Variants in SMARCC1 observed in about 807,000 individuals in gnomAD.
SMARCC1 encodes SWI/SNF related BAF chromatin remodeling complex subunit C1.
Under a neutral mutation model 147.4 loss-of-function variants are expected in SMARCC1, and 43 were observed. The ratio of observed to expected loss-of-function variants is 0.29; its 90% CI spans 0.23 to 0.38. The LOEUF is 0.38. Among genes scored for constraint, SMARCC1 ranks in the 10% least tolerant of loss-of-function variants. SMARCC1 has a pLI of 1.00. For missense variants in SMARCC1, 1,119 were observed against 1,381.1 expected (o/e 0.81, Z 3.01); for synonymous variants, 495 against 484.4 (o/e 1.02, Z -0.29).
In SMARCC1 at chr3:47,733,986, T is replaced by TAC. The variant is rs201233072; in HGVS notation, c.576+2046_576+2047dup. Among the ~76,000 whole-genome samples the TAC allele has an allele frequency of 2.5e-3, 380 of 151,952 alleles. 3 individuals carry two copies. Among genetic ancestry groups the TAC allele is most frequent in the African/African-American group, 7.6e-3 (316 of 41,428 alleles). ...ATATATGTACGTGTGTGTATATATATACATATGTATGTATATCTACATATA... is the reference window on the plus strand; with the variant it reads ...ATATATGTACGTGTGTGTATATATATACACATATGTATGTATATCTACATATA... On this transcript the variant is annotated intron_variant, in intron 5 of 27. Transcript: ENST00000254480.
At chr3:47,712,454 C>T (rs942987730) in intron 8 of SMARCC1, among the ~76,000 whole-genome samples, 2 of 151,664 alleles carry the variant, frequency 1.3e-5, no homozygotes, top group Non-Finnish European at 2.9e-5. Context: ...ACTGATAATC[C>T]TTTAACTACT....
chr3:47,729,315 G>C (rs1018410763), intron 5 of SMARCC1, among the ~76,000 whole-genome samples: 1 of 152,106 alleles, frequency 6.6e-6, no homozygotes, highest in African/African-American at 2.4e-5. Flanking sequence ...AAAGTAATTC[G>C]AGCACCTATT....
intron 3 of SMARCC1, among the ~76,000 whole-genome samples, chr3:47,741,215 C>T (rs887511515): frequency 3.3e-5 from 5 of 151,442 alleles, no homozygotes; most frequent in Admixed American, 6.6e-5. Context: ...GGAAAAGAGA[C>T]GGAAGAGATA....
chr3:47,781,395 G>A (rs925354316), intron 1 of SMARCC1, among the ~76,000 whole-genome samples: 4 of 152,222 alleles, frequency 2.6e-5, no homozygotes, highest in Non-Finnish European at 5.9e-5. Flanking sequence ...TGGGTGCGTA[G>A]GCTCAGAGGA....
At chr3:47,640,145 G>C (rs1018039526) in intron 21 of SMARCC1, among the ~76,000 whole-genome samples, 4 of 151,986 alleles carry the variant, frequency 2.6e-5, no homozygotes, top group Admixed American at 2.0e-4. Context: ...AAAGCCTTAG[G>C]CTTAAATCAG....
chr3:47,694,773 T>C (rs2033828236), intron 11 of SMARCC1, among the ~76,000 whole-genome samples: 1 of 152,248 alleles, frequency 6.6e-6, no homozygotes, highest in Non-Finnish European at 1.5e-5. Flanking sequence ...AGAACTTGCA[T>C]ATTCTTAAGT....
At chr3:47,759,449 C>T (rs996167170) in intron 2 of SMARCC1, among the ~76,000 whole-genome samples, 6 of 150,656 alleles carry the variant, frequency 4.0e-5, no homozygotes, top group Non-Finnish European at 8.9e-5. Context: ...GGTGAAACCC[C>T]GTCTCTACTA....
chr3:47,710,332 C>T (rs1025376892), intron 9 of SMARCC1, among the ~76,000 whole-genome samples: 8 of 151,996 alleles, frequency 5.3e-5, no homozygotes, highest in African/African-American at 1.9e-4. Flanking sequence ...AATATATATA[C>T]ATACTAAACA....
intron 5 of SMARCC1, among the ~76,000 whole-genome samples, chr3:47,733,800 C>T (rs927894663): frequency 1.4e-5 from 2 of 147,400 alleles, no homozygotes; most frequent in Non-Finnish European, 3.0e-5. Flanking sequence ...GGAGGCAGAG[C>T]TTGCAGTGAG....
chr3:47,618,477 GT>G (rs769976569), intron 25 of SMARCC1, among the ~76,000 whole-genome samples: 12 of 152,074 alleles, frequency 7.9e-5, no homozygotes, highest in South Asian at 2.1e-4. Flanking sequence ...AGCCCCAGGA[GT>G]TTGTGGCTGC....
intron 21 of SMARCC1, among the ~76,000 whole-genome samples, chr3:47,645,247 T>C (rs963670308): frequency 2.0e-5 from 3 of 150,772 alleles, no homozygotes; most frequent in Admixed American, 2.0e-4. Flanking sequence ...GCTGTGTTCA[T>C]GCCACTGCAC....
chr3:47,696,077 AGGGG>A (rs56779302), intron 11 of SMARCC1, among the ~76,000 whole-genome samples: 3 of 25,160 alleles, frequency 1.2e-4, no homozygotes, highest in African/African-American at 2.0e-4. Flanking sequence ...AAAAAAAAAA[AGGGG>A]GGGGGGGGGC....
At chr3:47,662,160 A>G (rs1052700700) in intron 20 of SMARCC1, among the ~76,000 whole-genome samples, 174 bp downstream of exon 20, 3 of 152,192 alleles carry the variant, frequency 2.0e-5, no homozygotes, top group Admixed American at 6.5e-5. Context: ...ACACCCAGCT[A>G]ATTTGGTGTC....
At chr3:47,763,146 C>T (rs1193553288) in intron 2 of SMARCC1, among the ~76,000 whole-genome samples, 2 of 151,436 alleles carry the variant, frequency 1.3e-5, no homozygotes, top group Non-Finnish European at 2.9e-5. Flanking sequence ...TCTCCTTCTT[C>T]AACAGTAATA....
chr3:47,677,765 T>C (rs1189734307), intron 16 of SMARCC1, among the ~76,000 whole-genome samples: 3 of 152,162 alleles, frequency 2.0e-5, no homozygotes, highest in South Asian at 2.1e-4. Context: ...CTCGAACTCC[T>C]GACCTCAGGT....
At chr3:47,753,873 A>G in intron 2 of SMARCC1, among the ~76,000 whole-genome samples, 1 of 152,150 alleles carries the variant, frequency 6.6e-6, no homozygotes, top group East Asian at 1.9e-4. Context: ...ATAAGCAGAG[A>G]ATGTGTCCAA....
intron 24 of SMARCC1, among the ~76,000 whole-genome samples, chr3:47,632,357 T>C (rs2032903978): frequency 6.6e-6 from 1 of 152,230 alleles, no homozygotes; most frequent in East Asian, 1.9e-4. Context: ...AGGCTGGTCC[T>C]GAACTCCTGA....
intron 6 of SMARCC1, among the ~76,000 whole-genome samples, chr3:47,723,573 G>A (rs544081238): frequency 5.3e-5 from 8 of 152,158 alleles, no homozygotes; most frequent in East Asian, 3.9e-4. Flanking sequence ...CAGCACTTTG[G>A]GAGGTCAAGG....
intron 21 of SMARCC1, among the ~76,000 whole-genome samples, chr3:47,652,250 A>G (rs1165576891): frequency 6.6e-6 from 1 of 152,222 alleles, no homozygotes; most frequent in African/African-American, 2.4e-5. Flanking sequence ...GATTACGAGC[A>G]TAAGCCACAG....
Sources: allele counts gnomAD v4.1 joint callset (sites outside exome capture counted in the v4.1 genomes callset), GRCh38; gene constraint gnomAD v4.1.1; transcripts MANE v1.5; gene names NCBI Gene and HGNC (gene_info 2026-07-23, HGNC 2026-07-21).